VAMP7: variants seen among roughly 807,000 people sequenced by gnomAD.
VAMP7 encodes vesicle-associated membrane protein 7.
A neutral mutation model predicts 29.6 loss-of-function variants in VAMP7; 14 were observed. The ratio of observed to expected loss-of-function variants is 0.47; its 90% CI spans 0.31 to 0.74. VAMP7 has a LOEUF of 0.74. VAMP7 is among the 30% of genes least tolerant of loss of function. The pLI is 0.05. For missense variants in VAMP7, 223 were observed against 262.4 expected (o/e 0.85, Z 1.04); for synonymous variants, 95 against 88.1 (o/e 1.08, Z -0.44).
Position 155,942,187 on chromosome X carries a change from T to C in VAMP7, c.*236T>C. ...GCAGCAGTAGCCTTAAAAAGGCTTT[T>C]GTTTATTTCTTTGGTTTGTTAACTA... On this transcript the variant is annotated 3_prime_UTR_variant, in exon 8 of 8. Coordinates refer to ENST00000286448, the MANE Select transcript of VAMP7 (RefSeq NM_005638.6). The C allele has an allele frequency of 6.5e-7, 1 of 1,532,048 alleles. No individual in the cohort carries two copies. Among genetic ancestry groups the C allele is most frequent in the Non-Finnish European group, 8.8e-7 (1 of 1,138,638 alleles). The allele number at this position is 1,532,048 out of a possible 1,614,324, so 94.9% of individuals were successfully genotyped here.
intron 1 of VAMP7, among the ~76,000 whole-genome samples, chrX:155,885,127 T>C (rs546629115): frequency 6.6e-6 from 1 of 152,346 alleles, no homozygotes; most frequent in Middle Eastern, 3.4e-3. Context: ...AAAAACTGCA[T>C]TTATAATTCT....
intron 5 of VAMP7, among the ~76,000 whole-genome samples, chrX:155,908,302 A>G (rs1421850235): frequency 1.3e-5 from 2 of 152,174 alleles, no homozygotes; most frequent in African/African-American, 4.8e-5. Flanking sequence ...TCCGTCTGCA[A>G]TCCCGGCACC....
chrX:155,893,904 G>A (rs2065954148), intron 2 of VAMP7, among the ~76,000 whole-genome samples: 1 of 152,230 alleles, frequency 6.6e-6, no homozygotes, highest in South Asian at 2.1e-4. Context: ...ACTATCATAT[G>A]TTTCAGAGAG....
At chrX:155,894,597 A>C (rs1307208556) in intron 2 of VAMP7, among the ~76,000 whole-genome samples, 1 of 148,282 alleles carries the variant, frequency 6.7e-6, no homozygotes, top group African/African-American at 2.5e-5. Flanking sequence ...CTCTGGAAAA[A>C]CTCTTTGCTC....
At position 155,919,809 on chromosome X, in the gene VAMP7, T is replaced by C. The variant is rs748625271; in HGVS notation, c.434-4T>C. 4 of 1,610,520 alleles carry C rather than the reference T, an allele frequency of 2.5e-6. No individual in the cohort carries two copies. The East Asian group carries it at 6.7e-5, about 27-fold the overall frequency. On this transcript the variant is annotated splice_region_variant and splice_polypyrimidine_tract_variant and intron_variant, in intron 5 of 7. Coordinates refer to ENST00000286448, the MANE Select transcript of VAMP7 (RefSeq NM_005638.6). ...GACCTTTTCTACTTTTCCAATATTT[T>C]CAGATCTGGTAGCTCAGCGAGGAGA...
At chrX:155,939,830 T>C in intron 7 of VAMP7, 37 bp downstream of exon 7, 1 of 1,484,452 alleles carries the variant, frequency 6.7e-7, no homozygotes, top group Non-Finnish European at 9.4e-7. Context: ...GCTTTATTTT[T>C]CAATCTCTAA....
intron 6 of VAMP7, among the ~76,000 whole-genome samples, chrX:155,937,973 C>A (rs1445164819): frequency 1.3e-5 from 2 of 152,104 alleles, no homozygotes; most frequent in East Asian, 3.8e-4. Flanking sequence ...GCTGCTTTTG[C>A]TCATTTATGT....
intron 6 of VAMP7, among the ~76,000 whole-genome samples, chrX:155,922,932 T>C (rs1210776947): frequency 6.6e-6 from 1 of 151,958 alleles, no homozygotes; most frequent in Non-Finnish European, 1.5e-5. Context: ...CATTTGTTAT[T>C]CCATTATGTC....
chrX:155,923,451 A>G (rs1339405885), intron 6 of VAMP7, among the ~76,000 whole-genome samples: 1 of 151,494 alleles, frequency 6.6e-6, no homozygotes, highest in Non-Finnish European at 1.5e-5. Flanking sequence ...AGACATTTTC[A>G]CTGAGTATAG....
At chrX:155,897,780 C>T (rs751311755) in intron 3 of VAMP7, among the ~76,000 whole-genome samples, 1 of 152,200 alleles carries the variant, frequency 6.6e-6, no homozygotes, top group Non-Finnish European at 1.5e-5. Context: ...GCTGGGCCTT[C>T]TAATAGATCT....
chrX:155,908,727 T>C (rs2066189453), intron 5 of VAMP7, among the ~76,000 whole-genome samples: 2 of 152,172 alleles, frequency 1.3e-5, no homozygotes, highest in Admixed American at 1.3e-4. Flanking sequence ...TCTTGAAATG[T>C]TTGGTAGAAT....
chrX:155,927,105 C>T (rs1017871845), intron 6 of VAMP7, among the ~76,000 whole-genome samples: 1 of 151,926 alleles, frequency 6.6e-6, no homozygotes, highest in Non-Finnish European at 1.5e-5. Context: ...AGACATGAGG[C>T]GACCACATGC....
chrX:155,898,836 C>T (rs6642250), intron 4 of VAMP7, among the ~76,000 whole-genome samples: 97,017 of 151,950 alleles, frequency 0.64, 31,453 homozygotes, highest in African/African-American at 0.76. Flanking sequence ...TTTTGTCTTT[C>T]ATAGAACTTT....
intron 6 of VAMP7, among the ~76,000 whole-genome samples, chrX:155,932,558 C>T (rs190032192): frequency 2.9e-3 from 434 of 151,960 alleles, no homozygotes; most frequent in African/African-American, 9.1e-3. Context: ...ACGTTGATTT[C>T]GTATCAAGAC....
At chrX:155,924,694 G>A (rs186160368) in intron 6 of VAMP7, among the ~76,000 whole-genome samples, 120 of 152,234 alleles carry the variant, frequency 7.9e-4, no homozygotes, top group Non-Finnish European at 8.7e-4. Flanking sequence ...CTGACTGATC[G>A]ATCAGGCTGG....
At chrX:155,933,669 T>G (rs1363114779) in intron 6 of VAMP7, among the ~76,000 whole-genome samples, 1 of 152,196 alleles carries the variant, frequency 6.6e-6, no homozygotes, top group African/African-American at 2.4e-5. Context: ...CTGGATTCAT[T>G]GATTTCTTGA....
intron 6 of VAMP7, among the ~76,000 whole-genome samples, chrX:155,935,301 A>C (rs753168523): frequency 6.6e-6 from 1 of 152,144 alleles, no homozygotes; most frequent in Admixed American, 6.5e-5. Flanking sequence ...GTGTTTTCCA[A>C]CTTGGTTCCA....
At chrX:155,890,463 T>C (rs1464130468) in intron 2 of VAMP7, among the ~76,000 whole-genome samples, 1 of 152,118 alleles carries the variant, frequency 6.6e-6, no homozygotes, top group African/African-American at 2.4e-5. Flanking sequence ...CAGGTTCAGA[T>C]GATTCTCGTG....
chrX:155,903,112 C>T (rs752634646), intron 5 of VAMP7, among the ~76,000 whole-genome samples: 1 of 152,042 alleles, frequency 6.6e-6, no homozygotes, highest in South Asian at 2.1e-4. Flanking sequence ...GTGTATGTGT[C>T]GAGGAATTTA....
Sources: gnomAD v4.1 joint callset for allele counts (sites outside exome capture counted in the v4.1 genomes callset) on GRCh38, gnomAD v4.1.1 for gene constraint, MANE v1.5 for transcripts, NCBI Gene and HGNC (gene_info 2026-07-23, HGNC 2026-07-21) for gene names.